EPB41L2: variants seen among roughly 807,000 people sequenced by gnomAD.
The protein encoded by EPB41L2 is erythrocyte membrane protein band 4.1 like 2.
Under a neutral mutation model 113.0 loss-of-function variants are expected in EPB41L2, and 43 were observed. The ratio of observed to expected loss-of-function variants is 0.38; its 90% CI spans 0.30 to 0.49. EPB41L2 has a LOEUF of 0.49. Among genes scored for constraint, EPB41L2 ranks in the 20% least tolerant of loss-of-function variants. EPB41L2 has a pLI of 0.95. For missense variants in EPB41L2, 1,147 were observed against 1,223.4 expected (o/e 0.94, Z 0.93); for synonymous variants, 442 against 436.7 (o/e 1.01, Z -0.15).
chr6:130,857,954 C>T (rs1462745748), intron 19 of EPB41L2, among the ~76,000 whole-genome samples, 177 bp downstream of exon 19: 1 of 152,164 alleles, frequency 6.6e-6, no homozygotes, highest in Non-Finnish European at 1.5e-5. Context: ...ACATGACCAT[C>T]AGTTCACAGA....
At chr6:130,873,359 G>C (rs1786375452) in intron 14 of EPB41L2, among the ~76,000 whole-genome samples, 1 of 152,140 alleles carries the variant, frequency 6.6e-6, no homozygotes, top group Non-Finnish European at 1.5e-5. Flanking sequence ...CTGAGGGACA[G>C]CAGAACTGTC....
intron 1 of EPB41L2, among the ~76,000 whole-genome samples, chr6:131,056,325 C>T (rs975038789): frequency 2.0e-5 from 3 of 152,176 alleles, no homozygotes; most frequent in Non-Finnish European, 4.4e-5. Flanking sequence ...CATTTATAAT[C>T]AGTTACCTCT....
intron 1 of EPB41L2, among the ~76,000 whole-genome samples, chr6:131,005,190 T>TC (rs1485105972): frequency 7.2e-4 from 110 of 151,964 alleles, no homozygotes; most frequent in African/African-American, 2.4e-3. Context: ...TTTTTTTTTT[T>TC]TTTAACCTTC....
chr6:131,015,478 A>G (rs1334770784), intron 1 of EPB41L2: 1 of 152,198 alleles, frequency 6.6e-6, no homozygotes, highest in Non-Finnish European at 1.5e-5. Flanking sequence ...AAGATAAAGC[A>G]CTCGAGTTCA....
chr6:130,895,303 C>T (rs953919534), intron 8 of EPB41L2, among the ~76,000 whole-genome samples, 184 bp from the exon 9 acceptor site: 2 of 152,140 alleles, frequency 1.3e-5, no homozygotes, highest in Non-Finnish European at 2.9e-5. Context: ...TAAATTTATT[C>T]ATCTTCAGGG....
At chr6:130,892,572 A>C (rs1000455827) in intron 10 of EPB41L2, among the ~76,000 whole-genome samples, 1 of 151,958 alleles carries the variant, frequency 6.6e-6, no homozygotes, top group Non-Finnish European at 1.5e-5. Flanking sequence ...TCAAAGATTT[A>C]TATGATCAGT....
intron 17 of EPB41L2, among the ~76,000 whole-genome samples, chr6:130,864,235 GTA>G (rs145688431): frequency 1.8e-3 from 274 of 152,328 alleles, no homozygotes; most frequent in African/African-American, 6.0e-3. Context: ...GAAGACTTCT[GTA>G]TGATGTGATG....
chr6:130,883,542 A>C (rs1789970513), intron 12 of EPB41L2, among the ~76,000 whole-genome samples: 1 of 152,242 alleles, frequency 6.6e-6, no homozygotes, highest in African/African-American at 2.4e-5. Context: ...GCAGACAAGG[A>C]GGATTTCCTT....
chr6:131,013,091 GCACAGTGCCTGGCAC>G (rs1361579513), intron 1 of EPB41L2, among the ~76,000 whole-genome samples: 1 of 152,140 alleles, frequency 6.6e-6, no homozygotes, highest in African/African-American at 2.4e-5. Context: ...AAGAACATGA[GCACAGTGCCTGGCAC>G]ACTGTAAGTA....
chr6:131,062,514 G>A (rs983358306), intron 1 of EPB41L2: 1 of 151,714 alleles, frequency 6.6e-6, no homozygotes, highest in African/African-American at 2.4e-5. Context: ...GCTCCCAGAC[G>A]GCGCAGGCGG....
At chr6:130,866,439 A>C (rs886484568) in intron 16 of EPB41L2, among the ~76,000 whole-genome samples, 7 of 152,226 alleles carry the variant, frequency 4.6e-5, no homozygotes, top group Admixed American at 1.3e-4. Context: ...CTGTAAGAGG[A>C]AATCTCTTTC....
At chr6:131,011,621 C>G (rs1246974901) in intron 1 of EPB41L2, among the ~76,000 whole-genome samples, 1 of 152,178 alleles carries the variant, frequency 6.6e-6, no homozygotes, top group African/African-American at 2.4e-5. Flanking sequence ...CAGACTAGGA[C>G]CTTCATTCAA....
At chr6:130,959,845 A>G (rs1232278288) in intron 1 of EPB41L2, among the ~76,000 whole-genome samples, 1 of 152,240 alleles carries the variant, frequency 6.6e-6, no homozygotes, top group Admixed American at 6.5e-5. Flanking sequence ...GTCTAAGCTA[A>G]CCAAGATAAA....
At chr6:130,957,450 C>T (rs1161345581) in intron 1 of EPB41L2, among the ~76,000 whole-genome samples, 1 of 152,264 alleles carries the variant, frequency 6.6e-6, no homozygotes. Context: ...TAATAAGTGC[C>T]CAGAGTCCTG....
At chr6:130,947,162 AT>A (rs1813213523) in intron 3 of EPB41L2, among the ~76,000 whole-genome samples, 1 of 151,910 alleles carries the variant, frequency 6.6e-6, no homozygotes, top group South Asian at 2.1e-4. Context: ...CCTTTTTGCT[AT>A]GGATCAGTTT....
At chr6:130,897,030 G>C (rs1794875805) in intron 8 of EPB41L2, among the ~76,000 whole-genome samples, 1 of 152,072 alleles carries the variant, frequency 6.6e-6, no homozygotes, top group African/African-American at 2.4e-5. Flanking sequence ...CTCTCCTTGG[G>C]AGTTTTGGAA....
intron 18 of EPB41L2, among the ~76,000 whole-genome samples, chr6:130,862,254 A>T (rs1246460580): frequency 1.3e-5 from 2 of 152,086 alleles, no homozygotes; most frequent in Non-Finnish European, 2.9e-5. Context: ...TGAGTACTGG[A>T]AAGGTGGCAT....
At chr6:131,032,266 C>T (rs1792319925) in intron 1 of EPB41L2, among the ~76,000 whole-genome samples, 1 of 151,984 alleles carries the variant, frequency 6.6e-6, no homozygotes, top group Non-Finnish European at 1.5e-5. Flanking sequence ...TTCATCCTTC[C>T]TTCAGTTTTT....
At chr6:131,048,138 C>CAAAAAA (rs200522047) in intron 1 of EPB41L2, among the ~76,000 whole-genome samples, 3 of 52,874 alleles carry the variant, frequency 5.7e-5, no homozygotes, top group African/African-American at 1.7e-4. Context: ...GACTCTGTCT[C>CAAAAAA]AAAAAAAAAA....
Sources: allele counts gnomAD v4.1 joint callset (sites outside exome capture counted in the v4.1 genomes callset), GRCh38; gene constraint gnomAD v4.1.1; transcripts MANE v1.5; gene names NCBI Gene and HGNC (gene_info 2026-07-23, HGNC 2026-07-21).